Variants in FYB1 observed in about 807,000 individuals in gnomAD.
The protein encoded by FYB1 is FYN binding protein 1.
A neutral mutation model predicts 94.1 loss-of-function variants in FYB1; 41 were observed. That is an observed-to-expected ratio of 0.44 (90% CI 0.34 to 0.57). FYB1 has a LOEUF of 0.57. Among genes scored for constraint, FYB1 ranks in the 20% least tolerant of loss-of-function variants. The pLI, the probability that FYB1 is intolerant of heterozygous loss-of-function variation, is 0.02. For missense variants in FYB1, 1,050 were observed against 976.8 expected (o/e 1.07, Z -1.00); for synonymous variants, 367 against 353.2 (o/e 1.04, Z -0.44).
At chr5:39,256,897 A>G (rs1394021857) in intron 1 of FYB1, among the ~76,000 whole-genome samples, 3 of 152,198 alleles carry the variant, frequency 2.0e-5, no homozygotes, top group Non-Finnish European at 4.4e-5. Flanking sequence ...CAAAGTTGCA[A>G]TGAGTAAAAG....
intron 13 of FYB1, among the ~76,000 whole-genome samples, chr5:39,123,656 T>A (rs1445841349): frequency 6.6e-6 from 1 of 152,084 alleles, no homozygotes; most frequent in Admixed American, 6.6e-5. Context: ...GCTCTTTTAA[T>A]ATACTTATAA....
chr5:39,271,100 A>G (rs1752651252), intron 1 of FYB1, among the ~76,000 whole-genome samples: 1 of 152,114 alleles, frequency 6.6e-6, no homozygotes, highest in Non-Finnish European at 1.5e-5. Flanking sequence ...GTGTAAAAAC[A>G]TAACTATAAT....
rs183551543 is a variant in FYB1 at position 39,116,015 on chromosome 5, C to T, written c.2401+2859G>A. ...CTACCTTCCCAGGAATAGACTTCAG[C>T]TCCTGAAGGACAGGAGTTTGTGTAT... On this transcript the variant is annotated intron_variant, in intron 16 of 18. Transcript: ENST00000512982. 5.9e-5 allele frequency among the ~76,000 whole-genome samples: 9 copies of T among 152,326 alleles called. No homozygotes were observed. The East Asian group carries it at 1.2e-3, about 20-fold the overall frequency.
intron 2 of FYB1, among the ~76,000 whole-genome samples, chr5:39,200,524 C>T (rs1359134408): frequency 1.3e-5 from 2 of 152,076 alleles, no homozygotes; most frequent in African/African-American, 2.4e-5. Flanking sequence ...TAGAAAGTCT[C>T]ACAAAAATAA....
chr5:39,215,043 A>G (rs1199018239), intron 1 of FYB1, among the ~76,000 whole-genome samples: 3 of 152,334 alleles, frequency 2.0e-5, no homozygotes, highest in South Asian at 4.1e-4. Context: ...GGAACAGGCA[A>G]TTAATGTTTA....
intron 1 of FYB1, among the ~76,000 whole-genome samples, chr5:39,229,833 G>A (rs1750640489): frequency 6.6e-6 from 1 of 152,126 alleles, no homozygotes; most frequent in African/African-American, 2.4e-5. Context: ...AATACACCCA[G>A]TGATTCTAAA....
intron 2 of FYB1, among the ~76,000 whole-genome samples, chr5:39,166,442 A>C (rs562397960): frequency 0.011 from 1,728 of 151,950 alleles, 34 homozygotes; most frequent in African/African-American, 0.039. Flanking sequence ...TCTCATAAAA[A>C]AAAAAAAAAA....
At chr5:39,273,532 A>G (rs900112173) in intron 1 of FYB1, among the ~76,000 whole-genome samples, 1 of 152,258 alleles carries the variant, frequency 6.6e-6, no homozygotes, top group Non-Finnish European at 1.5e-5. Context: ...GACAGAGAGC[A>G]TAGTGATACC....
At chr5:39,169,495 C>T (rs940183641) in intron 2 of FYB1, 14 of 630,084 alleles carry the variant, frequency 2.2e-5, no homozygotes, top group African/African-American at 9.0e-5. Context: ...ATCGAAGACC[C>T]GTTACTACTA....
At chr5:39,163,982 T>G (rs1208565836) in intron 2 of FYB1, among the ~76,000 whole-genome samples, 2 of 152,258 alleles carry the variant, frequency 1.3e-5, no homozygotes, top group African/African-American at 4.8e-5. Context: ...GAATAGTGAA[T>G]GTTTTGGCTA....
intron 2 of FYB1, among the ~76,000 whole-genome samples, chr5:39,198,303 T>C (rs1384390079): frequency 6.6e-6 from 1 of 152,182 alleles, no homozygotes; most frequent in Non-Finnish European, 1.5e-5. Flanking sequence ...CTACATTATA[T>C]GGCAAACAAC....
At chr5:39,193,728 G>T (rs1747571763) in intron 2 of FYB1, among the ~76,000 whole-genome samples, 1 of 152,212 alleles carries the variant, frequency 6.6e-6, no homozygotes, top group Non-Finnish European at 1.5e-5. Context: ...CACACGAGAG[G>T]CAGAAGGGGG....
chr5:39,163,151 C>T (rs146807615), intron 2 of FYB1, among the ~76,000 whole-genome samples: 184 of 152,256 alleles, frequency 1.2e-3, no homozygotes, highest in African/African-American at 4.0e-3. Flanking sequence ...TCTAGTTTTA[C>T]GGAATTTTTC....
intron 1 of FYB1, among the ~76,000 whole-genome samples, chr5:39,261,077 C>A (rs1196745423): frequency 6.6e-6 from 1 of 151,742 alleles, no homozygotes; most frequent in Non-Finnish European, 1.5e-5. Context: ...ATCACAGGAA[C>A]AGAAAACCAA....
chr5:39,198,826 G>C (rs376390169), intron 2 of FYB1, among the ~76,000 whole-genome samples: 6 of 152,136 alleles, frequency 3.9e-5, no homozygotes, highest in African/African-American at 1.4e-4. Flanking sequence ...CCGATCACAA[G>C]TCAAGGAATA....
intron 16 of FYB1, among the ~76,000 whole-genome samples, chr5:39,118,546 G>A (rs1445529184): frequency 6.6e-6 from 1 of 152,162 alleles, no homozygotes; most frequent in Non-Finnish European, 1.5e-5. Flanking sequence ...CAAGTCAAGG[G>A]TGGGTACAGG....
At chr5:39,161,753 T>G (rs1456193912) in intron 2 of FYB1, among the ~76,000 whole-genome samples, 1 of 152,208 alleles carries the variant, frequency 6.6e-6, no homozygotes, top group African/African-American at 2.4e-5. Context: ...GGTATTAATA[T>G]ATTTACAGTT....
At position 39,209,979 on chromosome 5, in the gene FYB1, G is replaced by A. The variant is rs149474113; in HGVS notation, c.-27-6992C>T. ...GATGCATTCCAGTGGGCTGAGCCTC[G>A]GAGGCTGGAGAGAGCACCAGGCCCC... On this transcript the variant is annotated intron_variant, in intron 1 of 18. Transcript: ENST00000512982. 3.9e-5 allele frequency among the ~76,000 whole-genome samples: 6 copies of A among 152,316 alleles called. No individual in the cohort carries two copies. The East Asian group carries it at 9.6e-4, about 24-fold the overall frequency.
Position 39,172,445 on chromosome 5 carries a change from CAA to C in FYB1, c.1136-18843_1136-18842del, listed in dbSNP as rs57444171. Among the ~76,000 whole-genome samples, 38 of 147,880 alleles carry C rather than the reference CAA, an allele frequency of 2.6e-4. 1 individual carries two copies. Among genetic ancestry groups the C allele is most frequent in the South Asian group, 6.4e-4 (3 of 4,692 alleles). On this transcript the variant is annotated intron_variant, in intron 2 of 18. Transcript: ENST00000512982. ...TGGGCGACAGAGCAAGACTCCATCTCAAAAAAAAAAAATAGTAATTTCAACTT... is the reference window on the plus strand; with the variant it reads ...TGGGCGACAGAGCAAGACTCCATCTCAAAAAAAAAATAGTAATTTCAACTT...
Sources: allele counts gnomAD v4.1 joint callset (sites outside exome capture counted in the v4.1 genomes callset), GRCh38; gene constraint gnomAD v4.1.1; transcripts MANE v1.5; gene names NCBI Gene and HGNC (gene_info 2026-07-23, HGNC 2026-07-21).